Variants in CHRM3 observed in about 807,000 individuals in gnomAD.
The protein encoded by CHRM3 is muscarinic acetylcholine receptor M3.
A neutral mutation model predicts 41.8 loss-of-function variants in CHRM3; 11 were observed. That is an observed-to-expected ratio of 0.26 (90% CI 0.17 to 0.44). CHRM3 has a LOEUF of 0.44. Among genes scored for constraint, CHRM3 ranks in the 20% least tolerant of loss-of-function variants. CHRM3 has a pLI of 1.00. For synonymous variants in CHRM3, 297 were observed against 301.4 expected, an observed-to-expected ratio of 0.99 and a Z score of 0.15; for missense variants, 571 against 745.4, an observed-to-expected ratio of 0.77 and a Z score of 2.72.
At chr1:239,843,283 T>C (rs911733119) in intron 6 of CHRM3, among the ~76,000 whole-genome samples, 2 of 152,080 alleles carry the variant, frequency 1.3e-5, no homozygotes, top group African/African-American at 2.4e-5. Flanking sequence ...TAGAATGTGG[T>C]ATTCACCTCC....
At chr1:239,421,128 A>G (rs1456509969) in intron 1 of CHRM3, among the ~76,000 whole-genome samples, 1 of 152,212 alleles carries the variant, frequency 6.6e-6, no homozygotes, top group Non-Finnish European at 1.5e-5. Context: ...CCTTTCTTTC[A>G]TTATTCAACA....
rs981279172 is a variant in CHRM3 at position 239,387,292 on chromosome 1, TCTTGC to T, written c.-521+69_-521+73del. 1 of 151,440 alleles carries T rather than the reference TCTTGC, an allele frequency of 6.6e-6. No homozygotes were observed. The highest frequency in any genetic ancestry group is 2.4e-5 in the African/African-American group (1 of 41,196). 9.4% of individuals were successfully genotyped at this position (151,440 alleles called of 1,614,324 possible). ...GGTGGCGGTAGCGGCTGACCTGGTT[TCTTGC>T]CTTATCTCGTTGCGAAAGGAGGAAA... is the stretch of plus-strand genomic sequence containing the variant. On this transcript the variant is annotated intron_variant, in intron 1 of 6. Transcript: ENST00000676153. This position sits in a 1 kb window ranked among gnomAD's most constrained non-coding sequence, Gnocchi z 5.1.
chr1:239,512,665 A>C (rs1572554944), intron 2 of CHRM3, among the ~76,000 whole-genome samples: 1 of 145,382 alleles, frequency 6.9e-6, no homozygotes, highest in African/African-American at 2.5e-5. Context: ...CTCACTCTTT[A>C]TTTCTTCTTT....
chr1:239,490,194 G>T (rs190790757), intron 1 of CHRM3, among the ~76,000 whole-genome samples: 93 of 152,300 alleles, frequency 6.1e-4, no homozygotes, highest in African/African-American at 2.1e-3. Context: ...GATTGGTTTT[G>T]ACTTCAAAGT....
intron 3 of CHRM3, among the ~76,000 whole-genome samples, chr1:239,611,604 A>G (rs1040642585): frequency 6.6e-6 from 1 of 151,824 alleles, no homozygotes; most frequent in Non-Finnish European, 1.5e-5. Context: ...TATTTTTAGT[A>G]GAGATGGGGT....
chr1:239,649,732 C>A (rs75026536), intron 4 of CHRM3, among the ~76,000 whole-genome samples: 1 of 151,986 alleles, frequency 6.6e-6, no homozygotes, highest in South Asian at 2.1e-4. Context: ...ATCTTGAGTG[C>A]GAGAGAAGGA....
intron 4 of CHRM3, among the ~76,000 whole-genome samples, chr1:239,634,509 G>A (rs1670251087): frequency 6.6e-6 from 1 of 151,106 alleles, no homozygotes; most frequent in Admixed American, 6.6e-5. Context: ...GCCTATGAAA[G>A]CTGGTAAAGG....
chr1:239,907,375 GAACA>G lies in CHRM3; in HGVS notation c.-19-51_-19-48del. The G allele has an allele frequency of 7.3e-7, 1 of 1,377,258 alleles. No individual in the cohort carries two copies. Among genetic ancestry groups the G allele is most frequent in the East Asian group, 2.3e-5 (1 of 43,438 alleles). The allele number at this position is 1,377,258 out of a possible 1,614,324, so 85.3% of individuals were successfully genotyped here. A position where few individuals can be genotyped will look rare whatever the true frequency, so the allele number is the denominator to read the frequency against. On this transcript the variant is annotated intron_variant, in intron 6 of 6. Coordinates refer to ENST00000676153, the MANE Select transcript of CHRM3 (RefSeq NM_001375978.1). This position sits in a 1 kb window ranked among gnomAD's most constrained non-coding sequence, Gnocchi z 5.4. ...TGTCTTTTAACGTATGTAATGCAAA[GAACA>G]AACAAATAAAGGCAGAAATTTTTCT...
chr1:239,701,256 G>T (rs934261853), intron 5 of CHRM3, among the ~76,000 whole-genome samples: 1 of 152,104 alleles, frequency 6.6e-6, no homozygotes, highest in Non-Finnish European at 1.5e-5. Context: ...AGGACTTTTT[G>T]GTCCTCGTTC....
chr1:239,685,198 G>A (rs897924015), intron 5 of CHRM3, among the ~76,000 whole-genome samples: 19 of 152,126 alleles, frequency 1.2e-4, no homozygotes, highest in Admixed American at 1.1e-3. Flanking sequence ...AACTCCAGCC[G>A]GGACCTGGGT....
intron 3 of CHRM3, among the ~76,000 whole-genome samples, chr1:239,598,410 A>G (rs114102796): frequency 6.6e-6 from 1 of 152,078 alleles, no homozygotes; most frequent in Admixed American, 6.5e-5. Context: ...AGGCTGCTGG[A>G]CTTGGGCTCA....
intron 6 of CHRM3, among the ~76,000 whole-genome samples, chr1:239,838,465 T>C (rs1203252019): frequency 9.2e-5 from 14 of 152,194 alleles, no homozygotes; most frequent in Admixed American, 9.2e-4. Flanking sequence ...AAACAACACA[T>C]GGCAAACACA....
Position 239,829,550 on chromosome 1 carries a change from A to G in CHRM3, c.-20+2172A>G, listed in dbSNP as rs148031534. ...ATTTTACTTTCTATACCAAAAAAGC[A>G]TGTATTTTCAGATAAATTTCAATAT... On this transcript the variant is annotated intron_variant, in intron 6 of 6. Coordinates refer to ENST00000676153, the MANE Select transcript of CHRM3 (RefSeq NM_001375978.1). 1.1e-4 allele frequency among the ~76,000 whole-genome samples: 17 copies of G among 152,332 alleles called. No individual in the cohort carries two copies. The East Asian group carries it at 3.3e-3, about 29-fold the overall frequency.
At chr1:239,533,952 T>C (rs1004480630) in intron 2 of CHRM3, among the ~76,000 whole-genome samples, 2 of 152,082 alleles carry the variant, frequency 1.3e-5, no homozygotes, top group Admixed American at 1.3e-4. Context: ...GCCCTGTTGA[T>C]TCTGAGGCTG....
chr1:239,671,759 G>A (rs1476400846), intron 4 of CHRM3, among the ~76,000 whole-genome samples: 1 of 151,974 alleles, frequency 6.6e-6, no homozygotes. Flanking sequence ...ATCCAGAGTA[G>A]TTTTTGAGAA....
At chr1:239,731,586 A>AGG (rs955301220) in intron 5 of CHRM3, among the ~76,000 whole-genome samples, 2 of 151,924 alleles carry the variant, frequency 1.3e-5, no homozygotes, top group Non-Finnish European at 2.9e-5. Context: ...GGGAGAGAGC[A>AGG]GGGGGAGAGA....
At chr1:239,397,074 A>G (rs557733401) in intron 1 of CHRM3, among the ~76,000 whole-genome samples, 5 of 152,296 alleles carry the variant, frequency 3.3e-5, no homozygotes, top group African/African-American at 9.6e-5. Context: ...AGTAAGACAC[A>G]AATACTACCC....
At chr1:239,836,389 T>A (rs1673316475) in intron 6 of CHRM3, among the ~76,000 whole-genome samples, 2 of 152,212 alleles carry the variant, frequency 1.3e-5, no homozygotes, top group African/African-American at 4.8e-5. Flanking sequence ...TGTTTTTGTT[T>A]TTTTTTAACA....
chr1:239,773,786 A>C (rs1667875354), intron 5 of CHRM3, among the ~76,000 whole-genome samples: 1 of 152,184 alleles, frequency 6.6e-6, no homozygotes, highest in Non-Finnish European at 1.5e-5. Context: ...GGATGAGAAT[A>C]ACTCCTGTAA....
Sources: gnomAD v4.1 joint callset for allele counts (sites outside exome capture counted in the v4.1 genomes callset) on GRCh38, gnomAD v4.1.1 for gene constraint, Gnocchi (gnomAD v3.1) non-coding constraint, MANE v1.5 for transcripts, NCBI Gene and HGNC (gene_info 2026-07-23, HGNC 2026-07-21) for gene names.